Variants in EYA2 observed in about 807,000 individuals in gnomAD.
EYA2 encodes EYA transcriptional coactivator and phosphatase 2.
A neutral mutation model predicts 69.2 loss-of-function variants in EYA2; 31 were observed. The ratio of observed to expected loss-of-function variants is 0.45; its 90% confidence interval spans 0.34 to 0.60. The LOEUF is 0.60. Among genes scored for constraint, EYA2 ranks in the 20% least tolerant of loss-of-function variants. The pLI, the probability that EYA2 is intolerant of heterozygous loss-of-function variation, is 0.02. For missense variants in EYA2, 622 were observed against 701.2 expected (o/e 0.89, Z 1.28); for synonymous variants, 257 against 279.4 (o/e 0.92, Z 0.80).
intron 5 of EYA2, among the ~76,000 whole-genome samples, chr20:47,045,573 T>C (rs143598552): frequency 1.1e-3 from 169 of 152,288 alleles, no homozygotes; most frequent in African/African-American, 4.0e-3. Flanking sequence ...GTTTCTAGAG[T>C]AACTGGAGCA....
At chr20:47,168,316 C>T (rs1245862071) in intron 10 of EYA2, among the ~76,000 whole-genome samples, 2 of 151,924 alleles carry the variant, frequency 1.3e-5, no homozygotes, top group Admixed American at 6.6e-5. Flanking sequence ...CTCAGCCTCC[C>T]GAGTAGCTGG....
At chr20:47,051,862 C>T (rs532282121) in intron 5 of EYA2, among the ~76,000 whole-genome samples, 3 of 152,236 alleles carry the variant, frequency 2.0e-5, no homozygotes, top group South Asian at 2.1e-4. Context: ...TCCTTTTTGG[C>T]AGAGGATAAG....
chr20:47,155,856 G>A (rs1178942805), intron 10 of EYA2, among the ~76,000 whole-genome samples: 1 of 150,954 alleles, frequency 6.6e-6, no homozygotes, highest in Non-Finnish European at 1.5e-5. Context: ...TGGAGAACAT[G>A]CATCAACTGA....
chr20:47,173,528 A>AG (rs1223908461), intron 12 of EYA2, among the ~76,000 whole-genome samples: 15 of 149,378 alleles, frequency 1.0e-4, no homozygotes, highest in African/African-American at 3.7e-4. Flanking sequence ...AAAAAAAAAA[A>AG]AAAACGTGCA....
chr20:47,013,538 T>C (rs1009325552), intron 4 of EYA2, among the ~76,000 whole-genome samples: 3 of 152,224 alleles, frequency 2.0e-5, no homozygotes, highest in African/African-American at 7.2e-5. Flanking sequence ...CATCTTGGAT[T>C]GTGATAGTAA....
At chr20:46,942,323 T>G (rs1986190346) in intron 1 of EYA2, among the ~76,000 whole-genome samples, 1 of 152,164 alleles carries the variant, frequency 6.6e-6, no homozygotes, top group Non-Finnish European at 1.5e-5. Flanking sequence ...TCTTCCCACC[T>G]CAGCCTCCTG....
At chr20:47,179,973 G>T in intron 13 of EYA2, 61 bp downstream of exon 13, 2 of 1,129,022 alleles carry the variant, frequency 1.8e-6, no homozygotes, top group Non-Finnish European at 1.3e-6. Context: ...GACAGTGGTG[G>T]CTCCTGCATG....
intron 9 of EYA2, among the ~76,000 whole-genome samples, chr20:47,105,277 C>G (rs1192029303): frequency 6.6e-6 from 1 of 152,180 alleles, no homozygotes; most frequent in Non-Finnish European, 1.5e-5. Context: ...TGCTGTTGTT[C>G]CCTGTGCCAG....
intron 1 of EYA2, among the ~76,000 whole-genome samples, chr20:46,987,210 C>T (rs1981287613): frequency 6.6e-6 from 1 of 152,186 alleles, no homozygotes; most frequent in Admixed American, 6.5e-5. Flanking sequence ...AAAGTAACCA[C>T]AGACAGGATA....
At chr20:47,065,185 T>C (rs1473974515) in intron 5 of EYA2, among the ~76,000 whole-genome samples, 1 of 152,190 alleles carries the variant, frequency 6.6e-6, no homozygotes, top group Admixed American at 6.5e-5. Flanking sequence ...GTGGGAATTA[T>C]GGGAGCTACA....
intron 5 of EYA2, among the ~76,000 whole-genome samples, chr20:47,051,714 GC>G (rs2030338625): frequency 6.6e-6 from 1 of 152,120 alleles, no homozygotes; most frequent in East Asian, 1.9e-4. Flanking sequence ...TGCACCCTCA[GC>G]CCCTCCTGAC....
At chr20:46,969,392 G>A (rs1175773912) in intron 1 of EYA2, among the ~76,000 whole-genome samples, 1 of 152,122 alleles carries the variant, frequency 6.6e-6, no homozygotes, top group Non-Finnish European at 1.5e-5. Flanking sequence ...CGATTGCCAG[G>A]AATTAAATCA....
intron 1 of EYA2, 58 bp downstream of exon 1, chr20:46,895,045 G>C (rs566613963): frequency 6.6e-6 from 1 of 152,158 alleles, no homozygotes; most frequent in East Asian, 1.9e-4. Flanking sequence ...CCGGGCGGGG[G>C]GAGTTGTTCA....
chr20:47,086,146 C>T (rs2031886608), intron 7 of EYA2, among the ~76,000 whole-genome samples: 1 of 152,184 alleles, frequency 6.6e-6, no homozygotes, highest in Admixed American at 6.5e-5. Flanking sequence ...AGTCTGTTCT[C>T]TCATTGCTAT....
At chr20:47,033,036 C>G (rs1281867355) in intron 5 of EYA2, among the ~76,000 whole-genome samples, 1 of 152,222 alleles carries the variant, frequency 6.6e-6, no homozygotes, top group Non-Finnish European at 1.5e-5. Flanking sequence ...CTCTGCTACT[C>G]CAGCCCTAAA....
intron 5 of EYA2, among the ~76,000 whole-genome samples, chr20:47,060,850 T>TA (rs2030847844): frequency 7.6e-6 from 1 of 131,656 alleles, no homozygotes; most frequent in Non-Finnish European, 1.6e-5. Context: ...GCTCTCTCTC[T>TA]CTTTTTTTTT....
intron 2 of EYA2, among the ~76,000 whole-genome samples, chr20:46,998,965 C>T (rs542186432): frequency 3.6e-4 from 54 of 152,014 alleles, no homozygotes; most frequent in Non-Finnish European, 5.7e-4. Context: ...TACAGGTCTG[C>T]GTAGTGGGGG....
chr20:47,066,096 T>C (rs2031097557), intron 5 of EYA2, among the ~76,000 whole-genome samples: 1 of 152,166 alleles, frequency 6.6e-6, no homozygotes, highest in Non-Finnish European at 1.5e-5. Flanking sequence ...TCTGAGCATT[T>C]AGGGAGGCCA....
At chr20:46,966,765 A>G (rs1258565225) in intron 1 of EYA2, among the ~76,000 whole-genome samples, 3 of 151,922 alleles carry the variant, frequency 2.0e-5, no homozygotes, top group Non-Finnish European at 4.4e-5. Flanking sequence ...AGTCGGTATC[A>G]TATTGTGCCA....
Sources: gnomAD v4.1 joint callset for allele counts (sites outside exome capture counted in the v4.1 genomes callset) on GRCh38, gnomAD v4.1.1 for gene constraint, MANE v1.5 for transcripts, NCBI Gene and HGNC (gene_info 2026-07-23, HGNC 2026-07-21) for gene names.